The following CCNF variants were observed in gnomAD, a reference collection of about 807,000 sequenced individuals.
CCNF encodes the protein cyclin F.
In CCNF, 30 loss-of-function variants were observed where a neutral mutation model predicts 85.4. The observed-to-expected ratio is 0.35, with a 90% confidence interval of 0.26 to 0.48. The LOEUF (loss-of-function observed/expected upper bound fraction) is 0.48, where lower values mean the gene tolerates loss of function less well. Ranked by LOEUF, CCNF falls within the 20% of genes least tolerant of loss-of-function variation. The pLI is 0.99. For synonymous variants in CCNF, 439 were observed against 425.1 expected, an observed-to-expected ratio of 1.03 and a Z score of -0.40; for missense variants, 919 against 1,010.4, an observed-to-expected ratio of 0.91 and a Z score of 1.23.
At chr16:2,438,197 CAGCAGA>C in intron 6 of CCNF, 74 bp downstream of exon 6, 2 of 1,165,822 alleles carry the variant, frequency 1.7e-6, no homozygotes, top group Non-Finnish European at 2.6e-6. Context: ...AACTGAAAAG[CAGCAGA>C]AGGGGGTGTC....
chr16:2,455,379 T>C lies in CCNF; in HGVS notation c.1716-16T>C, dbSNP rs1399190893. Reference sequence around the variant, plus strand: ...CCGTCCATGACTGGGTCTCCTGGGCTCTCTCCACCTTGCAGGAAGCGGGAG... The same window carrying C: ...CCGTCCATGACTGGGTCTCCTGGGCCCTCTCCACCTTGCAGGAAGCGGGAG... On this transcript the variant is annotated splice_polypyrimidine_tract_variant and intron_variant, in intron 15 of 16. Transcript: ENST00000397066. The C allele has an allele frequency of 1.9e-6, 3 of 1,569,292 alleles. No individual in the cohort carries two copies. The highest frequency in any genetic ancestry group is 2.6e-6 in the Non-Finnish European group (3 of 1,148,250).
chr16:2,452,785 C>T lies in CCNF; in HGVS notation c.1488-425C>T, dbSNP rs2065402136. On this transcript the variant is annotated intron_variant, in intron 13 of 16. Transcript: ENST00000397066. The surrounding 1 kb of genome is among the most constrained non-coding windows in gnomAD (Gnocchi z 4.1). ...CATTCTGTACATTCCATATAAATGG[C>T]GTCATCGGACAAGTGGCCTTCTGTG... 9.4e-6 allele frequency: 2 copies of T among 213,624 alleles called. No homozygotes were observed. The highest frequency in any genetic ancestry group is 1.9e-5 in the Non-Finnish European group (2 of 104,692). The allele number at this position is 213,624 out of a possible 1,614,324, so 13.2% of individuals were successfully genotyped here.
In CCNF at chr16:2,456,717, G is replaced by A; in HGVS notation, c.2058G>A (p.Leu686=). ...CTGCAACCCCTGGACCCAAACCCCT[G>A]GTCCGCACCAGCCGGGAGCCAGGGA... ...QIPATPGPKP[L]VRTSREPGKD... Residue 686 remains leucine, a synonymous_variant, in exon 17 of 17, where the codon CTG becomes CTA. Transcript: ENST00000397066. This position sits in a 1 kb window ranked among gnomAD's most constrained non-coding sequence, Gnocchi z 4.5. The A allele has an allele frequency of 6.2e-7, 1 of 1,612,886 alleles. No homozygotes were observed.
Position 2,456,780 on chromosome 16 carries a change from C to A in CCNF, c.2121C>A (p.Thr707=). 1 of 1,613,540 alleles carries A rather than the reference C, an allele frequency of 6.2e-7. No homozygotes were observed. Among genetic ancestry groups the A allele is most frequent in the South Asian group, 1.1e-5 (1 of 91,042 alleles). ...CCTCAGGGTACTCCTCCGTCAGCAC[C>A]GCAAGTCCCACAAGCTCCGTGGACG... The part of the protein sequence containing the change: ...VTTSGYSSVS[T]ASPTSSVDGG... The change falls in exon 17 of 17, where the codon ACC becomes ACA. Residue 707 remains threonine, a synonymous_variant. Transcript: ENST00000397066. The surrounding 1 kb of genome is among the most constrained non-coding windows in gnomAD (Gnocchi z 4.5).
intron 8 of CCNF, among the ~76,000 whole-genome samples, chr16:2,441,964 TA>T (rs1358458211): frequency 1.5e-5 from 2 of 132,162 alleles, no homozygotes; most frequent in African/African-American, 5.7e-5. Context: ...TATATATATA[TA>T]TATATATATA....
chr16:2,441,585 G>A (rs1356352585), intron 8 of CCNF, among the ~76,000 whole-genome samples: 1 of 152,024 alleles, frequency 6.6e-6, no homozygotes, highest in African/African-American at 2.4e-5. Context: ...CCAGGCTAGA[G>A]CACAGTGGTG....
intron 16 of CCNF, among the ~76,000 whole-genome samples, chr16:2,455,897 C>T (rs183239891): frequency 7.9e-4 from 121 of 152,354 alleles, no homozygotes; most frequent in Middle Eastern, 3.4e-3. Flanking sequence ...TCCTTCTAGG[C>T]CTGTAGTCTC....
intron 15 of CCNF, among the ~76,000 whole-genome samples, chr16:2,454,597 T>C (rs996063260): frequency 6.6e-6 from 1 of 152,164 alleles, no homozygotes; most frequent in African/African-American, 2.4e-5. Context: ...GTGGAAAGGC[T>C]CAGCTGGTGT....
At chr16:2,450,645 G>T (rs576262298) in intron 13 of CCNF, among the ~76,000 whole-genome samples, 1 of 152,216 alleles carries the variant, frequency 6.6e-6, no homozygotes, top group East Asian at 1.9e-4. Flanking sequence ...CTGACCCGTG[G>T]TAACTTGTGC....
Position 2,449,925 on chromosome 16 carries a change from G to A in CCNF, c.1487+10G>A, listed in dbSNP as rs1327666589. ...GCCTCCATAAGAAGTGGTGAGTTTT[G>A]GCCGGGCGCAGAGGCTCATGCCTGT... On this transcript the variant is annotated intron_variant, in intron 13 of 16. Coordinates refer to ENST00000397066, the MANE Select transcript of CCNF (RefSeq NM_001761.3). 1 of 1,603,704 alleles carries A rather than the reference G, an allele frequency of 6.2e-7. No individual in the cohort carries two copies. The highest frequency in any genetic ancestry group is 1.3e-5 in the African/African-American group (1 of 74,794).
chr16:2,449,063 G>A (rs750901362), intron 11 of CCNF, 85 bp downstream of exon 11: 2 of 1,561,426 alleles, frequency 1.3e-6, no homozygotes, highest in Non-Finnish European at 1.8e-6. Flanking sequence ...TCCTGCTGTG[G>A]GAGGGCCTCA....
rs2065251675 is a variant in CCNF at position 2,429,477 on chromosome 16, C to A, written c.-5C>A. 8.1e-7 allele frequency: 1 copy of A among 1,228,476 alleles called. No homozygotes were observed. Among genetic ancestry groups the A allele is most frequent in the Non-Finnish European group, 1.0e-6 (1 of 986,216 alleles). 76.1% of individuals were successfully genotyped at this position (1,228,476 alleles called of 1,614,324 possible). A position where few individuals can be genotyped will look rare whatever the true frequency, so the allele number is the denominator to read the frequency against. ...GGCTCCGGCGGCAGCGACGCGAGCG[C>A]GGCGATGGGGAGCGGCGGCGGTGAG... On this transcript the variant is annotated 5_prime_UTR_variant, in exon 1 of 17. Coordinates refer to ENST00000397066, the MANE Select transcript of CCNF (RefSeq NM_001761.3).
chr16:2,455,539 G>C lies in CCNF; in HGVS notation c.1860G>C (p.Glu620Asp), dbSNP rs748686645. 8 of 1,600,614 alleles carry C rather than the reference G, an allele frequency of 5.0e-6. No individual in the cohort carries two copies. Among genetic ancestry groups the C allele is most frequent in the African/African-American group, 1.3e-5 (1 of 74,696 alleles). ...GCTCTGGCTATGAAGGCGACCAGGA[G>C]AGTGAGGGCGAGAAGGAGGGCGACG... The part of the protein sequence containing the change: ...DCCSGYEGDQ[E>D]SEGEKEGDVT... The change falls in exon 16 of 17, where the codon GAG (glutamate) becomes GAC (aspartate). Residue 620 changes from glutamate (E) to aspartate (D), a missense_variant. By Grantham distance (45) the Glu-to-Asp change is conservative (BLOSUM62 2). Transcript: ENST00000397066.
In CCNF at chr16:2,443,489, T is replaced by C. The variant is rs187015836; in HGVS notation, c.778-160T>C. Among the ~76,000 whole-genome samples, 347 of 152,282 alleles carry C rather than the reference T, an allele frequency of 2.3e-3. 2 individuals carry two copies. The highest frequency in any genetic ancestry group is 0.015 in the South Asian group (71 of 4,830). On this transcript the variant is annotated intron_variant, in intron 8 of 16. Coordinates refer to ENST00000397066, the MANE Select transcript of CCNF (RefSeq NM_001761.3). ...TACTTATACAAAAAGGAATAATAAT[T>C]AAAACCTGAGCCATCCTTGTTCCCG...
Position 2,458,757 on chromosome 16 carries a change from G to A in CCNF, c.*1737G>A, listed in dbSNP as rs2065446546. On this transcript the variant is annotated 3_prime_UTR_variant, in exon 17 of 17. Coordinates refer to ENST00000397066, the MANE Select transcript of CCNF (RefSeq NM_001761.3). ...CCCGTCCTGTCGACTGTGTGCCCCTGGGCATGTGTGAGCCTCAGTTTCCTC... is the reference window on the plus strand; with the variant it reads ...CCCGTCCTGTCGACTGTGTGCCCCTAGGCATGTGTGAGCCTCAGTTTCCTC... The A allele has an allele frequency of 6.6e-6, 1 of 152,308 alleles. No homozygotes were observed. The highest frequency in any genetic ancestry group is 1.5e-5 in the Non-Finnish European group (1 of 68,128). 9.4% of individuals were successfully genotyped at this position (152,308 alleles called of 1,614,324 possible). A position where few individuals can be genotyped will look rare whatever the true frequency, so the allele number is the denominator to read the frequency against.
intron 2 of CCNF, among the ~76,000 whole-genome samples, chr16:2,431,767 A>G (rs1033387908): frequency 5.9e-5 from 9 of 152,046 alleles, no homozygotes; most frequent in Non-Finnish European, 8.8e-5. Flanking sequence ...TGATTACAGA[A>G]ATTCCTACTG....
chr16:2,429,978 G>A (rs995541493), intron 1 of CCNF, among the ~76,000 whole-genome samples: 3 of 152,368 alleles, frequency 2.0e-5, no homozygotes, highest in South Asian at 2.1e-4. Context: ...TTGAGGCACA[G>A]GAAACACGAA....
At chr16:2,445,295 G>C in intron 9 of CCNF, 163 bp from the exon 10 acceptor site, 1 of 755,348 alleles carries the variant, frequency 1.3e-6, no homozygotes, top group Non-Finnish European at 2.2e-6. Context: ...GGAGCCTCCC[G>C]GGCTTCCTGT....
chr16:2,456,702 T>C lies in CCNF; in HGVS notation c.2043T>C (p.Pro681=), dbSNP rs1479377294. 2 of 1,613,350 alleles carry C rather than the reference T, an allele frequency of 1.2e-6. No homozygotes were observed. Among genetic ancestry groups the C allele is most frequent in the Admixed American group, 1.7e-5 (1 of 59,976 alleles). The change falls in exon 17 of 17, where the codon CCT becomes CCC. Residue 681 remains proline, a synonymous_variant. Coordinates refer to ENST00000397066, the MANE Select transcript of CCNF (RefSeq NM_001761.3). The surrounding 1 kb of genome is among the most constrained non-coding windows in gnomAD (Gnocchi z 4.5). ...LALDTQIPAT[P]GPKPLVRTSR... Reference sequence around the variant, plus strand: ...TGGACACCCAGATCCCTGCAACCCCTGGACCCAAACCCCTGGTCCGCACCA... The same window carrying C: ...TGGACACCCAGATCCCTGCAACCCCCGGACCCAAACCCCTGGTCCGCACCA...
Sources: allele counts gnomAD v4.1 joint callset (sites outside exome capture counted in the v4.1 genomes callset), GRCh38; gene constraint gnomAD v4.1.1; non-coding constraint Gnocchi (gnomAD v3.1); transcripts MANE v1.5; gene names NCBI Gene and HGNC (gene_info 2026-07-23, HGNC 2026-07-21).